Variants in LARGE1 observed in about 807,000 individuals in gnomAD.
LARGE1 encodes LARGE xylosyl- and glucuronyltransferase 1, also known as xylosyl- and glucuronyltransferase LARGE1.
In LARGE1, 43 loss-of-function variants were observed where a neutral mutation model predicts 87.6. The observed-to-expected ratio is 0.49, with a 90% CI of 0.38 to 0.63. The LOEUF (loss-of-function observed/expected upper bound fraction) is 0.63, where lower values mean the gene tolerates loss of function less well. Ranked by LOEUF, LARGE1 falls within the 30% of genes least tolerant of loss-of-function variation. The pLI, the probability that LARGE1 is intolerant of heterozygous loss-of-function variation, is 0.00. For missense variants in LARGE1, 802 were observed against 1,000.2 expected (o/e 0.80, Z 2.67); for synonymous variants, 434 against 394.6 (o/e 1.10, Z -1.18).
At chr22:33,683,428 C>T (rs1288173798) in intron 2 of LARGE1, among the ~76,000 whole-genome samples, 5 of 152,190 alleles carry the variant, frequency 3.3e-5, no homozygotes, top group Admixed American at 2.6e-4. Flanking sequence ...TCTCCTAGGT[C>T]TCCAGCTTTG....
At chr22:33,178,263 T>C (rs76585100) in intron 11 of LARGE1, among the ~76,000 whole-genome samples, 1 of 152,264 alleles carries the variant, frequency 6.6e-6, no homozygotes, top group African/African-American at 2.4e-5. Flanking sequence ...TGAAGCTGAG[T>C]GATATCTTCC....
intron 7 of LARGE1, among the ~76,000 whole-genome samples, chr22:33,401,845 G>A (rs1008772180): frequency 1.3e-5 from 2 of 152,172 alleles, no homozygotes; most frequent in African/African-American, 4.8e-5. Context: ...CCAGTCTGTG[G>A]TATTTTGTTA....
At chr22:33,479,164 T>C (rs1296169188) in intron 6 of LARGE1, among the ~76,000 whole-genome samples, 1 of 152,208 alleles carries the variant, frequency 6.6e-6, no homozygotes, top group African/African-American at 2.4e-5. Context: ...AGGTCTCCCA[T>C]GCACCCCTTG....
chr22:33,772,327 T>A (rs1034095556), intron 1 of LARGE1, among the ~76,000 whole-genome samples: 1 of 134,100 alleles, frequency 7.5e-6, no homozygotes, highest in Non-Finnish European at 1.6e-5. Flanking sequence ...AGCGAGACTC[T>A]GCCTCAAAAA....
the LARGE1 span, chr22:33,109,169 G>A: frequency 3.9e-5 from 6 of 152,138 alleles, no homozygotes; most frequent in Admixed American, 2.0e-4. Flanking sequence ...TAATTTGAAG[G>A]TTCTGGATTC....
At chr22:33,447,415 G>A (rs889293519) in intron 6 of LARGE1, among the ~76,000 whole-genome samples, 4 of 152,328 alleles carry the variant, frequency 2.6e-5, no homozygotes, top group South Asian at 2.1e-4. Context: ...ACATGCAGGG[G>A]CCGAGGGCCA....
chr22:33,655,749 G>A lies in LARGE1; in HGVS notation c.107-5081C>T, dbSNP rs186899908. Among the ~76,000 whole-genome samples the A allele has an allele frequency of 3.9e-5, 6 of 152,248 alleles. No individual in the cohort carries two copies. In the East Asian group the frequency reaches 1.2e-3, roughly 29 times the overall value. On this transcript the variant is annotated intron_variant, in intron 2 of 14. Transcript: ENST00000397394. ...CTATACTTAGCAAGCATTTGAGGAAGAGAGAAAGAGAAGAACTAACAACTA... is the reference window on the plus strand; with the variant it reads ...CTATACTTAGCAAGCATTTGAGGAAAAGAGAAAGAGAAGAACTAACAACTA...
chr22:33,704,275 G>A (rs2035597710), intron 2 of LARGE1, among the ~76,000 whole-genome samples: 1 of 152,174 alleles, frequency 6.6e-6, no homozygotes, highest in Non-Finnish European at 1.5e-5. Flanking sequence ...TGTATCTGCA[G>A]GGCTGTGACC....
intron 6 of LARGE1, among the ~76,000 whole-genome samples, chr22:33,504,679 A>G (rs557744301): frequency 3.3e-5 from 5 of 152,302 alleles, no homozygotes; most frequent in African/African-American, 1.2e-4. Context: ...TTCTCTCTCT[A>G]AGCTTTAGTT....
At chr22:33,263,961 G>A (rs1927787481) in intron 11 of LARGE1, among the ~76,000 whole-genome samples, 1 of 152,190 alleles carries the variant, frequency 6.6e-6, no homozygotes, top group South Asian at 2.1e-4. Context: ...ACTTCTTTGT[G>A]CTTTGATCTG....
intron 1 of LARGE1, among the ~76,000 whole-genome samples, chr22:33,860,414 A>G (rs1253657873): frequency 2.0e-5 from 3 of 152,194 alleles, no homozygotes; most frequent in African/African-American, 7.2e-5. Context: ...GTTCAAATAA[A>G]TATTTGTTTC....
At chr22:33,814,039 G>T (rs551859754) in intron 1 of LARGE1, among the ~76,000 whole-genome samples, 3 of 152,228 alleles carry the variant, frequency 2.0e-5, no homozygotes, top group East Asian at 1.9e-4. Context: ...TACGTATCTC[G>T]ATGGGGGAAG....
intron 6 of LARGE1, among the ~76,000 whole-genome samples, chr22:33,558,753 A>T (rs2077768718): frequency 6.6e-6 from 1 of 152,200 alleles, no homozygotes; most frequent in Admixed American, 6.5e-5. Context: ...TAAGCATAAA[A>T]TTTCTACAAA....
At chr22:33,819,005 CT>C (rs1289965671) in intron 1 of LARGE1, among the ~76,000 whole-genome samples, 1 of 152,192 alleles carries the variant, frequency 6.6e-6, no homozygotes, top group African/African-American at 2.4e-5. Flanking sequence ...TGCCTAATTA[CT>C]TGGGCACATG....
intron 11 of LARGE1, among the ~76,000 whole-genome samples, chr22:33,177,726 G>A (rs922186558): frequency 3.3e-5 from 5 of 152,154 alleles, no homozygotes; most frequent in South Asian, 2.1e-4. Flanking sequence ...AAACCACTTC[G>A]TGTGAAAAGG....
intron 1 of LARGE1, among the ~76,000 whole-genome samples, chr22:33,779,921 G>GTATAGA (rs2085365624): frequency 7.6e-6 from 1 of 131,254 alleles, no homozygotes; most frequent in Non-Finnish European, 1.8e-5. Context: ...GTTTGCCAGG[G>GTATAGA]CTGCTATAAC....
chr22:33,666,793 T>G (rs2081279460), intron 2 of LARGE1, among the ~76,000 whole-genome samples: 1 of 152,152 alleles, frequency 6.6e-6, no homozygotes, highest in Non-Finnish European at 1.5e-5. Context: ...CAATAGAATC[T>G]CCAGCTGATA....
rs562253736 is a variant in LARGE1 at position 33,592,973 on chromosome 22, G to A, written c.615+11462C>T. Among the ~76,000 whole-genome samples, 4 of 152,188 alleles carry A rather than the reference G, an allele frequency of 2.6e-5. No homozygotes were observed. The South Asian group carries it at 8.3e-4, about 32-fold the overall frequency. Reference sequence around the variant, plus strand: ...TCCTGCCTCAGCCTCCCGAGTAGCTGGGACTAGAGGTGCCCACCACCACAT... The same window carrying A: ...TCCTGCCTCAGCCTCCCGAGTAGCTAGGACTAGAGGTGCCCACCACCACAT... On this transcript the variant is annotated intron_variant, in intron 5 of 14. Transcript: ENST00000397394.
intron 9 of LARGE1, among the ~76,000 whole-genome samples, chr22:33,375,095 A>T (rs1386011171): frequency 6.6e-6 from 1 of 152,228 alleles, no homozygotes; most frequent in Non-Finnish European, 1.5e-5. Context: ...AAGCTCAAGC[A>T]GAACAAAAAT....
Sources: gnomAD v4.1 joint callset for allele counts (sites outside exome capture counted in the v4.1 genomes callset) on GRCh38, gnomAD v4.1.1 for gene constraint, MANE v1.5 for transcripts, NCBI Gene and HGNC (gene_info 2026-07-23, HGNC 2026-07-21) for gene names.